The following EBF2 variants were observed in gnomAD, a reference collection of about 807,000 sequenced individuals.
EBF2 encodes transcription factor COE2.
EBF2 carries 21 observed loss-of-function variants against 72.8 expected under a neutral mutation model. The observed-to-expected ratio is 0.29, with a 90% CI of 0.20 to 0.42. The LOEUF (loss-of-function observed/expected upper bound fraction) is 0.42. EBF2 is among the 10% of genes least tolerant of loss of function. EBF2 has a pLI of 1.00. For missense variants in EBF2, 637 were observed against 731.2 expected, an observed-to-expected ratio of 0.87 and a Z score of 1.49; for synonymous variants, 299 against 274.2, an observed-to-expected ratio of 1.09 and a Z score of -0.89.
intron 6 of EBF2, among the ~76,000 whole-genome samples, chr8:25,991,191 T>C (rs1804540063): frequency 6.6e-6 from 1 of 152,228 alleles, no homozygotes; most frequent in African/African-American, 2.4e-5. Flanking sequence ...CCAATAATAC[T>C]GGGAAAGTTT....
At chr8:25,914,385 AG>A (rs1803176928) in intron 6 of EBF2, among the ~76,000 whole-genome samples, 2 of 152,190 alleles carry the variant, frequency 1.3e-5, no homozygotes, top group Admixed American at 1.3e-4. Context: ...GGGAAGGTGA[AG>A]GTTAGCAGTG....
chr8:26,001,696 G>A (rs184911340), intron 6 of EBF2, among the ~76,000 whole-genome samples: 36 of 152,132 alleles, frequency 2.4e-4, no homozygotes, highest in Middle Eastern at 3.4e-3. Context: ...TTACAGGGAC[G>A]CGCCACCATG....
At chr8:25,892,601 C>T (rs746749310) in intron 7 of EBF2, among the ~76,000 whole-genome samples, 1 of 152,144 alleles carries the variant, frequency 6.6e-6, no homozygotes, top group Admixed American at 6.5e-5. Context: ...TTTTTGATGA[C>T]ATCTTTTTAA....
In EBF2 at chr8:25,887,886, C is replaced by T; in HGVS notation, c.838G>A (p.Asp280Asn). 6.2e-7 allele frequency: 1 copy of T among 1,613,818 alleles called. No individual in the cohort carries two copies. Among genetic ancestry groups the T allele is most frequent in the Non-Finnish European group, 8.5e-7 (1 of 1,179,848 alleles). ...GTCCCAAACACCACTTGGAGACCAT[C>T]AAAGAAGTTGTCCCCGATGATGATG... ...MVIIIGDNFF[D>N]GLQVVFGTML... The change falls in exon 9 of 16, where the codon GAT becomes AAT. Residue 280 changes from aspartate (D) to asparagine (N), a missense_variant. Around this residue, in one of 3 missense-constraint regions of EBF2, gnomAD observed 204 missense variants for 301.2 expected, o/e 0.68. Transcript: ENST00000520164.
At chr8:25,976,572 A>G (rs1341615575) in intron 6 of EBF2, among the ~76,000 whole-genome samples, 1 of 152,196 alleles carries the variant, frequency 6.6e-6, no homozygotes, top group East Asian at 1.9e-4. Flanking sequence ...TGTTAATCTG[A>G]TATAGTTTCC....
In EBF2 at chr8:25,858,530, T is replaced by TAAATC. The variant is rs1802143510; in HGVS notation, c.1343-31_1343-27dup. ...CTTGGCAACAAAGAAAAAGCCCAGG[T>TAAATC]AAATCAACAGGCGTGCACAGTCAGG... On this transcript the variant is annotated intron_variant, in intron 13 of 15. Coordinates refer to ENST00000520164, the MANE Select transcript of EBF2 (RefSeq NM_022659.4). 8 of 1,605,638 alleles carry TAAATC rather than the reference T, an allele frequency of 5.0e-6. No individual in the cohort carries two copies. In the East Asian group the frequency reaches 1.8e-4, roughly 36 times the overall value.
At chr8:25,925,309 A>G (rs1803368998) in intron 6 of EBF2, among the ~76,000 whole-genome samples, 1 of 152,088 alleles carries the variant, frequency 6.6e-6, no homozygotes, top group Non-Finnish European at 1.5e-5. Flanking sequence ...CGGGGTGCAC[A>G]GAAGGAGCTG....
intron 7 of EBF2, among the ~76,000 whole-genome samples, chr8:25,896,072 G>A (rs142493223): frequency 1.3e-5 from 2 of 152,244 alleles, no homozygotes; most frequent in African/African-American, 4.8e-5. Flanking sequence ...CTACCCAGGT[G>A]TTTCTACAAA....
intron 10 of EBF2, among the ~76,000 whole-genome samples, chr8:25,876,724 A>G (rs1802527727): frequency 6.6e-6 from 1 of 152,262 alleles, no homozygotes; most frequent in South Asian, 2.1e-4. Context: ...TTAGGTGTTA[A>G]GAGCAGAACT....
rs904854250 is a variant in EBF2, at chr8:25,843,306, T to A, written c.*1303A>T. ...ACTGTCGAGTGGCATAGCTATGTTT[T>A]TCAAGAGAGTTTAATGCCATAAAAG... On this transcript the variant is annotated 3_prime_UTR_variant, in exon 16 of 16. Transcript: ENST00000520164. 2 of 152,326 alleles carry A rather than the reference T, an allele frequency of 1.3e-5. No individual in the cohort carries two copies. Among genetic ancestry groups the A allele is most frequent in the Admixed American group, 1.3e-4 (2 of 15,288 alleles). 9.4% of individuals were successfully genotyped at this position (152,326 alleles called of 1,614,324 possible).
chr8:25,872,088 A>T (rs1802448244), intron 10 of EBF2, among the ~76,000 whole-genome samples: 1 of 152,156 alleles, frequency 6.6e-6, no homozygotes, highest in Non-Finnish European at 1.5e-5. Flanking sequence ...TGCTTACCCC[A>T]TCTTATACTT....
chr8:26,038,739 A>G (rs1020814620), intron 5 of EBF2, among the ~76,000 whole-genome samples: 1 of 152,140 alleles, frequency 6.6e-6, no homozygotes, highest in Non-Finnish European at 1.5e-5. Flanking sequence ...CCCCCCAGCT[A>G]CTCCAGCAAG....
intron 6 of EBF2, among the ~76,000 whole-genome samples, chr8:26,025,775 G>A (rs999177464): frequency 6.6e-6 from 1 of 152,008 alleles, no homozygotes; most frequent in Non-Finnish European, 1.5e-5. Flanking sequence ...AGGAAACAAC[G>A]GAATGAGATC....
At chr8:25,959,941 G>A (rs17054690) in intron 6 of EBF2, among the ~76,000 whole-genome samples, 1 of 152,040 alleles carries the variant, frequency 6.6e-6, no homozygotes, top group Non-Finnish European at 1.5e-5. Flanking sequence ...CAGCTCAGGG[G>A]CATATCCAAG....
chr8:25,874,906 A>T (rs1242638014), intron 10 of EBF2, among the ~76,000 whole-genome samples: 1 of 135,360 alleles, frequency 7.4e-6, no homozygotes, highest in Non-Finnish European at 1.5e-5. Context: ...GGTTGGTCTC[A>T]AACTCCTGGC....
At chr8:25,941,305 A>C (rs1193763105) in intron 6 of EBF2, among the ~76,000 whole-genome samples, 1 of 151,458 alleles carries the variant, frequency 6.6e-6, no homozygotes, top group African/African-American at 2.4e-5. Context: ...TCCCGGGTTC[A>C]AGTGATTCTC....
At chr8:25,900,785 T>C (rs1401678362) in intron 7 of EBF2, among the ~76,000 whole-genome samples, 2 of 148,324 alleles carry the variant, frequency 1.3e-5, no homozygotes, top group African/African-American at 5.0e-5. Flanking sequence ...TAAAGTATAA[T>C]AATAATAAAA....
intron 5 of EBF2, among the ~76,000 whole-genome samples, chr8:26,034,728 T>C (rs1805468613): frequency 6.6e-6 from 1 of 152,214 alleles, no homozygotes; most frequent in Non-Finnish European, 1.5e-5. Context: ...TGACATGGCT[T>C]TTTAAAAAAT....
intron 6 of EBF2, among the ~76,000 whole-genome samples, chr8:25,982,947 A>G (rs1804386866): frequency 6.6e-6 from 1 of 151,604 alleles, no homozygotes; most frequent in South Asian, 2.1e-4. Context: ...TCTATGTATA[A>G]GGCTTATATT....
Sources: allele counts gnomAD v4.1 joint callset (sites outside exome capture counted in the v4.1 genomes callset), GRCh38; gene constraint gnomAD v4.1.1; regional missense constraint gnomAD v4.1.1; transcripts MANE v1.5; gene names NCBI Gene and HGNC (gene_info 2026-07-23, HGNC 2026-07-21).